Variants in AK9 observed in about 807,000 individuals in gnomAD.
The protein encoded by AK9 is adenylate kinase 9, also known as adenylate kinase domain containing 1.
In AK9, 191 loss-of-function variants were observed where a neutral mutation model predicts 239.6. The ratio of observed to expected loss-of-function variants is 0.80; its 90% CI spans 0.71 to 0.90. The LOEUF (loss-of-function observed/expected upper bound fraction) is 0.90. Ranked by LOEUF, AK9 falls within the 40% of genes least tolerant of loss-of-function variation. AK9 has a pLI of 0.00. For missense variants in AK9, 1,995 were observed against 2,214.7 expected (o/e 0.90, Z 1.99); for synonymous variants, 689 against 721.0 (o/e 0.96, Z 0.71).
intron 12 of AK9, chr6:109,632,678 ATG>A (rs1796216805): frequency 1.7e-5 from 16 of 917,854 alleles, no homozygotes; most frequent in Non-Finnish European, 2.2e-5. Flanking sequence ...CGATATTCAC[ATG>A]TGGGAGCTTT....
At chr6:109,640,834 A>G (rs1797333778) in intron 10 of AK9, among the ~76,000 whole-genome samples, 1 of 152,210 alleles carries the variant, frequency 6.6e-6, no homozygotes, top group Non-Finnish European at 1.5e-5. Context: ...GATACCCATC[A>G]CATATGTAGC....
intron 22 of AK9, 85 bp from the exon 23 acceptor site, chr6:109,564,365 C>A (rs1786193482): frequency 1.0e-5 from 11 of 1,067,210 alleles, no homozygotes; most frequent in African/African-American, 1.6e-5. Flanking sequence ...TTATACTTTG[C>A]AATTTTTTTA....
At chr6:109,665,113 C>T (rs77695119) in intron 5 of AK9, among the ~76,000 whole-genome samples, 4,202 of 152,268 alleles carry the variant, frequency 0.028, 95 homozygotes, top group East Asian at 0.11. Flanking sequence ...TAGGCATACA[C>T]AATGTCTCCT....
At chr6:109,515,797 A>G (rs947986340) in intron 31 of AK9, 60 bp downstream of exon 31, 13 of 1,410,974 alleles carry the variant, frequency 9.2e-6, no homozygotes, top group African/African-American at 1.5e-5. Flanking sequence ...TTTAAAAAAG[A>G]CATACCTTTG....
chr6:109,596,235 C>T (rs1791015262), intron 17 of AK9, among the ~76,000 whole-genome samples: 1 of 152,134 alleles, frequency 6.6e-6, no homozygotes, highest in South Asian at 2.1e-4. Flanking sequence ...CTGCTCAGCC[C>T]TGGAGAAGAG....
chr6:109,571,071 A>T (rs1380631476), intron 21 of AK9, among the ~76,000 whole-genome samples: 1 of 152,240 alleles, frequency 6.6e-6, no homozygotes, highest in Non-Finnish European at 1.5e-5. Context: ...ATATATGTGA[A>T]AGCAATAGAT....
chr6:109,515,730 G>T, intron 31 of AK9, 127 bp downstream of exon 31: 1 of 817,452 alleles, frequency 1.2e-6, no homozygotes, highest in South Asian at 1.9e-5. Flanking sequence ...TATTTTTATA[G>T]CTAGATGAGA....
Position 109,550,170 on chromosome 6 carries a change from A to C in AK9, c.2884T>G (p.Tyr962Asp). ...TTAGCCTCAGCACTTGAAAAGTAGT[A>C]GATCTTTTCTCGATACTTGGCTGCT... ...EEAAKYREKI[Y>D]YFSSAEAKEK... The change falls in exon 25 of 41, where the codon TAC becomes GAC. Residue 962 changes from tyrosine to aspartate, a missense_variant. By Grantham distance (160) the Tyr-to-Asp change is radical. This residue lies in a region of AK9 where 1,290 missense variants were observed against 1,392.7 expected (regional missense o/e 0.93). Coordinates refer to ENST00000424296, the MANE Select transcript of AK9 (RefSeq NM_001145128.3). The C allele has an allele frequency of 6.2e-7, 1 of 1,614,020 alleles. No homozygotes were observed. The highest frequency in any genetic ancestry group is 8.5e-7 in the Non-Finnish European group (1 of 1,180,008).
intron 17 of AK9, among the ~76,000 whole-genome samples, chr6:109,608,292 A>C (rs1460239249): frequency 6.6e-6 from 1 of 151,616 alleles, no homozygotes; most frequent in Non-Finnish European, 1.5e-5. Flanking sequence ...AAAAAAAAAA[A>C]AAAAAACTAC....
At chr6:109,501,510 T>G (rs567302427) in intron 35 of AK9, among the ~76,000 whole-genome samples, 2 of 152,350 alleles carry the variant, frequency 1.3e-5, no homozygotes, top group East Asian at 3.9e-4. Flanking sequence ...CTTTATTAAC[T>G]GGCATTCCTT....
chr6:109,685,634 G>A (rs531103812), intron 1 of AK9, among the ~76,000 whole-genome samples: 15 of 152,120 alleles, frequency 9.9e-5, no homozygotes, highest in African/African-American at 3.6e-4. Flanking sequence ...CGTAGGTGAT[G>A]GGTTGATGGG....
intron 28 of AK9, among the ~76,000 whole-genome samples, chr6:109,532,227 C>T (rs575706110): frequency 6.6e-6 from 1 of 152,264 alleles, no homozygotes; most frequent in East Asian, 1.9e-4. Context: ...CAAGGAGCTC[C>T]CTGCCTTCAG....
chr6:109,676,226 AT>A lies in AK9; in HGVS notation c.-11-471del, dbSNP rs1209212564. On this transcript the variant is annotated intron_variant, in intron 1 of 40. Transcript: ENST00000424296. ...TTTCCAAAAGTAATGTCATTTTTAC[AT>A]TTTTTCTTTTGTAATATTTTATAAA... 6.6e-5 allele frequency among the ~76,000 whole-genome samples: 10 copies of A among 152,090 alleles called. No individual in the cohort carries two copies. In the East Asian group the frequency reaches 1.9e-3, roughly 29 times the overall value.
At chr6:109,621,864 C>A (rs1794854529) in intron 12 of AK9, among the ~76,000 whole-genome samples, 1 of 106,870 alleles carries the variant, frequency 9.4e-6, no homozygotes, top group South Asian at 3.0e-4. Context: ...GCACAATGTG[C>A]ACATGTACCC....
At chr6:109,668,030 G>A (rs545930530) in intron 5 of AK9, among the ~76,000 whole-genome samples, 73 of 152,322 alleles carry the variant, frequency 4.8e-4, no homozygotes, top group African/African-American at 1.8e-3. Flanking sequence ...ATGTAAAAGT[G>A]TTCCTATTTC....
At chr6:109,553,853 T>G (rs1425643237) in intron 24 of AK9, among the ~76,000 whole-genome samples, 1 of 152,204 alleles carries the variant, frequency 6.6e-6, no homozygotes, top group African/African-American at 2.4e-5. Context: ...ATAAATACTC[T>G]TATTATTTTG....
At chr6:109,586,216 C>G in intron 17 of AK9, 144 bp from the exon 18 acceptor site, 1 of 792,636 alleles carries the variant, frequency 1.3e-6, no homozygotes, top group Admixed American at 3.4e-5. Context: ...ATTTTTAAAG[C>G]TAAACTTAAT....
chr6:109,665,565 T>A (rs1801074799), intron 5 of AK9, among the ~76,000 whole-genome samples: 1 of 152,180 alleles, frequency 6.6e-6, no homozygotes, highest in South Asian at 2.1e-4. Flanking sequence ...AACAACATGT[T>A]TGAACTGGTT....
intron 29 of AK9, 25 bp from the exon 30 acceptor site, chr6:109,516,667 A>C: frequency 6.6e-7 from 1 of 1,513,030 alleles, no homozygotes; most frequent in Non-Finnish European, 9.0e-7. Context: ...ATTCCCTTTT[A>C]CTATACATAT....
Sources: gnomAD v4.1 joint callset for allele counts (sites outside exome capture counted in the v4.1 genomes callset) on GRCh38, gnomAD v4.1.1 for gene constraint, gnomAD v4.1.1 regional missense constraint, MANE v1.5 for transcripts, NCBI Gene and HGNC (gene_info 2026-07-23, HGNC 2026-07-21) for gene names.